TESPA1: variants seen among roughly 807,000 people sequenced by gnomAD.
The protein encoded by TESPA1 is thymocyte expressed, positive selection associated 1, also known as protein TESPA1.
Under a neutral mutation model 57.9 loss-of-function variants are expected in TESPA1, and 33 were observed. The observed-to-expected ratio is 0.57, with a 90% CI of 0.43 to 0.76. The LOEUF (loss-of-function observed/expected upper bound fraction) is 0.76, where lower values mean the gene tolerates loss of function less well. Among genes scored for constraint, TESPA1 ranks in the 30% least tolerant of loss-of-function variants. TESPA1 has a pLI of 0.00. For missense variants in TESPA1, 618 were observed against 632.9 expected, an observed-to-expected ratio of 0.98 and a Z score of 0.25; for synonymous variants, 227 against 228.9, an observed-to-expected ratio of 0.99 and a Z score of 0.07.
rs115053212 is a variant in TESPA1 at position 54,953,181 on chromosome 12, T to A, written c.*2-2791A>T. Among the ~76,000 whole-genome samples, 84 of 152,278 alleles carry A rather than the reference T, an allele frequency of 5.5e-4. 1 individual carries two copies. Among genetic ancestry groups the A allele is most frequent in the African/African-American group, 1.9e-3 (81 of 41,562 alleles). ...TTTCTAAAAGACAAATCTAATCACATCACTTCCTTTGTAAATTTTTCAGTG... is the reference window on the plus strand; with the variant it reads ...TTTCTAAAAGACAAATCTAATCACAACACTTCCTTTGTAAATTTTTCAGTG... On this transcript the variant is annotated intron_variant, in intron 10 of 10. Transcript: ENST00000449076.
Position 54,966,426 on chromosome 12 carries a change from T to C in TESPA1, c.311-2A>G. The C allele has an allele frequency of 6.2e-7, 1 of 1,613,064 alleles. No individual in the cohort carries two copies. The highest frequency in any genetic ancestry group is 2.2e-5 in the East Asian group (1 of 44,884). On this transcript the variant is annotated splice_acceptor_variant, in intron 5 of 10. Coordinates refer to ENST00000449076, the MANE Select transcript of TESPA1 (RefSeq NM_001136030.3). LOFTEE classifies it high-confidence loss of function. ...TGCCATTGGCGGCCAGTAGTGTGGC[T>C]GGACAAGAAACAGAGAAGCAAAGAG...
chr12:54,972,370 A>G (rs975205697), intron 3 of TESPA1, among the ~76,000 whole-genome samples: 1 of 152,234 alleles, frequency 6.6e-6, no homozygotes, highest in Non-Finnish European at 1.5e-5. Context: ...AGCGTAATTA[A>G]TAATTGCTGA....
chr12:54,953,561 A>G (rs1362132063), intron 10 of TESPA1, among the ~76,000 whole-genome samples: 2 of 138,934 alleles, frequency 1.4e-5, no homozygotes, highest in Admixed American at 8.2e-5. Context: ...TCTGTCGCCC[A>G]CGCTAGAGTG....
rs75952957 is a variant in TESPA1 at position 54,970,040 on chromosome 12, C to A, written c.207-2148G>T. On this transcript the variant is annotated intron_variant, in intron 3 of 10. Coordinates refer to ENST00000449076, the MANE Select transcript of TESPA1 (RefSeq NM_001136030.3). ...CTCCTAAGCCCAAGAGAGCCTCCTG[C>A]CTCAATCTCCTGAGTAGCTAGGACT... Among the ~76,000 whole-genome samples the A allele has an allele frequency of 6.7e-3, 1,015 of 152,300 alleles. 18 individuals are homozygous for A. Among genetic ancestry groups the A allele is most frequent in the African/African-American group, 0.023 (970 of 41,558 alleles).
intron 6 of TESPA1, 110 bp downstream of exon 6, chr12:54,966,278 C>T: frequency 6.3e-7 from 1 of 1,581,506 alleles, no homozygotes; most frequent in Non-Finnish European, 8.7e-7. Context: ...GTTGGAAAGT[C>T]TCACTCTCTA....
chr12:54,959,485 A>G (rs1174107892), intron 10 of TESPA1, among the ~76,000 whole-genome samples: 1 of 152,204 alleles, frequency 6.6e-6, no homozygotes. Flanking sequence ...TCCTAGAAGT[A>G]AGACTCCCAG....
At chr12:54,953,971 C>T (rs1950573743) in intron 10 of TESPA1, among the ~76,000 whole-genome samples, 2 of 152,230 alleles carry the variant, frequency 1.3e-5, no homozygotes, top group Admixed American at 6.5e-5. Flanking sequence ...GAGCTCAAAG[C>T]ATCCTGTGAA....
At chr12:54,969,021 G>GTGTGTGTGTATATATATATATATA (rs370590552) in intron 3 of TESPA1, among the ~76,000 whole-genome samples, 46 of 83,626 alleles carry the variant, frequency 5.5e-4, no homozygotes, top group Admixed American at 1.1e-3. Context: ...ATTTATATAT[G>GTGTGTGTGTATATATATATATATA]TATATATATA....
At chr12:54,955,749 C>A (rs1381885162) in intron 10 of TESPA1, among the ~76,000 whole-genome samples, 2 of 152,128 alleles carry the variant, frequency 1.3e-5, no homozygotes, top group East Asian at 3.8e-4. Flanking sequence ...TTCTTTTACA[C>A]CTTTGTGGAG....
chr12:54,958,241 G>A lies in TESPA1; in HGVS notation c.*1+2927C>T, dbSNP rs184261342. 3.3e-3 allele frequency among the ~76,000 whole-genome samples: 503 copies of A among 152,168 alleles called. 3 individuals are homozygous for A. The highest frequency in any genetic ancestry group is 0.012 in the African/African-American group (481 of 41,518). On this transcript the variant is annotated intron_variant, in intron 10 of 10. Transcript: ENST00000449076. The stretch of plus-strand genomic sequence containing the variant: ...AACATCTTGGCATTTTTTTTCTTGT[G>A]CAAGGCTGACATCTGCTGGACAAAC...
At chr12:54,955,742 TTTTACACC>T (rs1380845298) in intron 10 of TESPA1, among the ~76,000 whole-genome samples, 1 of 152,242 alleles carries the variant, frequency 6.6e-6, no homozygotes, top group Non-Finnish European at 1.5e-5. Flanking sequence ...ACTTTCTTTC[TTTTACACC>T]TTTGTGGAGT....
chr12:54,973,395 G>T, intron 3 of TESPA1, 82 bp downstream of exon 3: 1 of 1,586,642 alleles, frequency 6.3e-7, no homozygotes, highest in Non-Finnish European at 8.7e-7. Context: ...CCATCTTCCC[G>T]TCTCTGAGTT....
rs774992117 is a variant in TESPA1, at chr12:54,966,162, C to G, written c.348-11G>C. ...GTCTCGAGGAAACTCCTGCAGAGAT[C>G]AAAGCTGATGTCATACAAATCTTGT... On this transcript the variant is annotated splice_polypyrimidine_tract_variant and intron_variant, in intron 6 of 10. Transcript: ENST00000449076. 5 of 1,564,720 alleles carry G rather than the reference C, an allele frequency of 3.2e-6. No homozygotes were observed. In the East Asian group the frequency reaches 7.2e-5, roughly 22 times the overall value.
rs767845572 is a variant in TESPA1 at position 54,963,985 on chromosome 12, C to T, written c.447-35G>A. ...GGGAGTTTGGGTAAATAAGGGACAA[C>T]TTTGAGACACATGGTAATTCAGAAT... On this transcript the variant is annotated intron_variant, in intron 7 of 10. Transcript: ENST00000449076. 32 of 1,587,258 alleles carry T rather than the reference C, an allele frequency of 2.0e-5. No individual in the cohort carries two copies. In the Middle Eastern group the frequency reaches 5.0e-4, roughly 25 times the overall value.
In TESPA1 at chr12:54,949,736, T is replaced by G. The variant is rs1950269768; in HGVS notation, c.*656A>C. 6.6e-6 allele frequency: 1 copy of G among 152,562 alleles called. No homozygotes were observed. Among genetic ancestry groups the G allele is most frequent in the African/African-American group, 2.4e-5 (1 of 41,430 alleles). The allele number at this position is 152,562 out of a possible 1,614,324, so 9.5% of individuals were successfully genotyped here. A position where few individuals can be genotyped will look rare whatever the true frequency, so the allele number is the denominator to read the frequency against. On this transcript the variant is annotated 3_prime_UTR_variant, in exon 11 of 11. Transcript: ENST00000449076. ...TGAATCCTACTTATCTCTTTTTCTA[T>G]AAAGATGCAAAATTTTGGGTAGAGA...
At chr12:54,960,082 G>C (rs1389872167) in intron 10 of TESPA1, among the ~76,000 whole-genome samples, 1 of 152,090 alleles carries the variant, frequency 6.6e-6, no homozygotes, top group Non-Finnish European at 1.5e-5. Context: ...AATTAGACTA[G>C]AAAATGTAGA....
chr12:54,959,956 A>T (rs186047199), intron 10 of TESPA1, among the ~76,000 whole-genome samples: 171 of 152,344 alleles, frequency 1.1e-3, no homozygotes, highest in Non-Finnish European at 1.9e-3. Context: ...GAGAGAAACA[A>T]GAGTGATTAG....
intron 3 of TESPA1, among the ~76,000 whole-genome samples, chr12:54,972,763 A>T (rs1951914481): frequency 1.3e-5 from 2 of 152,178 alleles, no homozygotes; most frequent in Admixed American, 1.3e-4. Flanking sequence ...ATGCCAATTA[A>T]TAGATGAGTT....
Position 54,962,630 on chromosome 12 carries a change from G to A in TESPA1, c.1268C>T (p.Thr423Ile), listed in dbSNP as rs1480015993. 2 of 1,613,792 alleles carry A rather than the reference G, an allele frequency of 1.2e-6. No individual in the cohort carries two copies. The highest frequency in any genetic ancestry group is 8.5e-7 in the Non-Finnish European group (1 of 1,179,896). ...LCSLPATNTE[T>I]HPAKDETFWK... ...GAAAGTCTCATCCTTGGCTGGATGGGTTTCCGTATTGGTGGCTGGTAGACT... is the reference window on the plus strand; with the variant it reads ...GAAAGTCTCATCCTTGGCTGGATGGATTTCCGTATTGGTGGCTGGTAGACT... The change falls in exon 9 of 11, where the codon ACC becomes ATC. Residue 423 changes from threonine (T) to isoleucine (I), a missense_variant. By Grantham distance (89) the Thr-to-Ile change is moderately conservative. Transcript: ENST00000449076.
Sources: allele counts gnomAD v4.1 joint callset (sites outside exome capture counted in the v4.1 genomes callset), GRCh38; gene constraint gnomAD v4.1.1; transcripts MANE v1.5; gene names NCBI Gene and HGNC (gene_info 2026-07-23, HGNC 2026-07-21).